The following SLCO5A1 variants were observed in gnomAD, a reference collection of about 807,000 sequenced individuals.
SLCO5A1 encodes the protein solute carrier organic anion transporter family member 5A1.
Under a neutral mutation model 65.1 loss-of-function variants are expected in SLCO5A1, and 39 were observed. The observed-to-expected ratio is 0.60, with a 90% CI of 0.46 to 0.78. SLCO5A1 has a LOEUF of 0.78. Among genes scored for constraint, SLCO5A1 ranks in the 30% least tolerant of loss-of-function variants. The pLI, the probability that SLCO5A1 is intolerant of heterozygous loss-of-function variation, is 0.00. For missense variants in SLCO5A1, 1,029 were observed against 1,069.4 expected (o/e 0.96, Z 0.53); for synonymous variants, 438 against 415.7 (o/e 1.05, Z -0.65).
At chr8:69,725,805 C>CCTACG (rs1816042728) in intron 5 of SLCO5A1, among the ~76,000 whole-genome samples, 1 of 152,222 alleles carries the variant, frequency 6.6e-6, no homozygotes, top group South Asian at 2.1e-4. Context: ...CAGAAACGCT[C>CCTACG]CTACGTCTGC....
intron 2 of SLCO5A1, among the ~76,000 whole-genome samples, chr8:69,819,789 C>T (rs907939895): frequency 6.6e-6 from 1 of 152,074 alleles, no homozygotes; most frequent in Admixed American, 6.6e-5. Context: ...TGGAGAAACC[C>T]CATCTCTACT....
intron 2 of SLCO5A1, among the ~76,000 whole-genome samples, chr8:69,793,810 T>A (rs937877504): frequency 7.1e-6 from 1 of 140,456 alleles, no homozygotes; most frequent in African/African-American, 2.6e-5. Context: ...AATAAATAAA[T>A]AAATAAAATA....
At chr8:69,716,006 C>A (rs746184569) in intron 5 of SLCO5A1, among the ~76,000 whole-genome samples, 2 of 152,096 alleles carry the variant, frequency 1.3e-5, no homozygotes, top group African/African-American at 4.8e-5. Context: ...TGCTCCAGCC[C>A]GAGACAATCA....
intron 6 of SLCO5A1, 124 bp downstream of exon 6, chr8:69,704,898 GCAGAGCACA>G (rs1814900094): frequency 2.5e-6 from 2 of 812,300 alleles, no homozygotes; most frequent in East Asian, 2.5e-5. Context: ...ACTTGGAGAG[GCAGAGCACA>G]CAGAGCACAC....
chr8:69,780,692 TA>T (rs1818755869), intron 2 of SLCO5A1, among the ~76,000 whole-genome samples: 2 of 152,244 alleles, frequency 1.3e-5, no homozygotes, highest in Middle Eastern at 3.4e-3. Context: ...ACTTAATGGG[TA>T]CAATGTATGG....
chr8:69,711,580 A>G (rs1420595062), intron 5 of SLCO5A1, among the ~76,000 whole-genome samples: 1 of 152,230 alleles, frequency 6.6e-6, no homozygotes, highest in Non-Finnish European at 1.5e-5. Flanking sequence ...CGTAGAGGAG[A>G]GAACCCAACG....
chr8:69,680,027 A>C (rs962615933), intron 7 of SLCO5A1, among the ~76,000 whole-genome samples: 2 of 152,246 alleles, frequency 1.3e-5, no homozygotes, highest in African/African-American at 4.8e-5. Flanking sequence ...CTGGGCACAC[A>C]GTGGGCCCTA....
At chr8:69,772,711 C>A (rs1279674813) in intron 2 of SLCO5A1, among the ~76,000 whole-genome samples, 1 of 151,848 alleles carries the variant, frequency 6.6e-6, no homozygotes, top group Non-Finnish European at 1.5e-5. Context: ...ATGGGCCTCC[C>A]TGGACGTGGG....
At chr8:69,762,332 G>T (rs367585170) in intron 2 of SLCO5A1, among the ~76,000 whole-genome samples, 1 of 151,742 alleles carries the variant, frequency 6.6e-6, no homozygotes, top group Non-Finnish European at 1.5e-5. Context: ...GACTACAGGC[G>T]CCCGCCACCA....
chr8:69,710,386 C>G (rs1008776718), intron 5 of SLCO5A1, among the ~76,000 whole-genome samples: 3 of 151,918 alleles, frequency 2.0e-5, no homozygotes, highest in Non-Finnish European at 4.4e-5. Context: ...TAGTGCACAG[C>G]ACAAAAAGGG....
chr8:69,727,244 C>T (rs778911758), intron 5 of SLCO5A1, among the ~76,000 whole-genome samples: 3 of 151,776 alleles, frequency 2.0e-5, no homozygotes, highest in Non-Finnish European at 4.4e-5. Flanking sequence ...GATGAATGGG[C>T]GAAGGGATGG....
chr8:69,801,200 T>C (rs1819721314), intron 2 of SLCO5A1, among the ~76,000 whole-genome samples: 1 of 152,210 alleles, frequency 6.6e-6, no homozygotes, highest in Non-Finnish European at 1.5e-5. Flanking sequence ...AGCCACACCT[T>C]GACCAAGATT....
chr8:69,671,927 T>C lies in SLCO5A1; in HGVS notation c.*942A>G, dbSNP rs1182760592. 1 of 152,188 alleles carries C rather than the reference T, an allele frequency of 6.6e-6. No homozygotes were observed. The highest frequency in any genetic ancestry group is 1.9e-4 in the East Asian group (1 of 5,196). 9.4% of individuals were successfully genotyped at this position (152,188 alleles called of 1,614,324 possible). A position where few individuals can be genotyped will look rare whatever the true frequency, so the allele number is the denominator to read the frequency against. ...CACAGATTTGCCAGTGCTTTCAAGA[T>C]GTAACTAAAATACTCAGGTGGGACT... is the stretch of plus-strand genomic sequence containing the variant. On this transcript the variant is annotated 3_prime_UTR_variant, in exon 10 of 10. Transcript: ENST00000260126.
chr8:69,794,576 G>T, intron 2 of SLCO5A1: 1 of 326,362 alleles, frequency 3.1e-6, no homozygotes. Context: ...TTTTATTGAA[G>T]ACCTTAGATT....
intron 5 of SLCO5A1, among the ~76,000 whole-genome samples, chr8:69,722,078 A>G (rs1815850191): frequency 6.6e-6 from 1 of 152,210 alleles, no homozygotes; most frequent in Non-Finnish European, 1.5e-5. Flanking sequence ...AGGCTGAGAC[A>G]GGAGAATCGC....
chr8:69,689,950 A>C (rs1272131774), intron 6 of SLCO5A1, among the ~76,000 whole-genome samples: 2 of 152,048 alleles, frequency 1.3e-5, no homozygotes, highest in Non-Finnish European at 2.9e-5. Flanking sequence ...TTTTCACGAT[A>C]TTGATTCTTC....
intron 2 of SLCO5A1, among the ~76,000 whole-genome samples, chr8:69,826,623 A>T (rs1820928035): frequency 6.6e-6 from 1 of 152,170 alleles, no homozygotes; most frequent in Non-Finnish European, 1.5e-5. Flanking sequence ...TTAAAAAGTC[A>T]GGAAACAACA....
chr8:69,742,842 C>T (rs1284261044), intron 4 of SLCO5A1, among the ~76,000 whole-genome samples: 1 of 127,620 alleles, frequency 7.8e-6, no homozygotes, highest in East Asian at 2.3e-4. Flanking sequence ...GCTCTGTTGC[C>T]CAGGCTGGAG....
At chr8:69,705,569 G>A (rs945194969) in intron 5 of SLCO5A1, among the ~76,000 whole-genome samples, 5 of 152,110 alleles carry the variant, frequency 3.3e-5, no homozygotes, top group African/African-American at 1.2e-4. Context: ...TTACACAGAA[G>A]GAAATACAGG....
Sources: allele counts gnomAD v4.1 joint callset (sites outside exome capture counted in the v4.1 genomes callset), GRCh38; gene constraint gnomAD v4.1.1; transcripts MANE v1.5; gene names NCBI Gene and HGNC (gene_info 2026-07-23, HGNC 2026-07-21).